The following DPYD variants were observed in gnomAD, a reference collection of about 807,000 sequenced individuals.
DPYD encodes the protein dihydropyrimidine dehydrogenase [NADP(+)].
Under a neutral mutation model 116.2 loss-of-function variants are expected in DPYD, and 109 were observed. The observed-to-expected ratio is 0.94, with a 90% CI of 0.80 to 1.10. The LOEUF is 1.10. DPYD is among the 50% of genes least tolerant of loss of function. The pLI is 0.00. For missense variants in DPYD, 1,302 were observed against 1,254.5 expected (o/e 1.04, Z -0.57); for synonymous variants, 440 against 432.0 (o/e 1.02, Z -0.23).
chr1:97,555,661 C>A (rs564179260), intron 11 of DPYD, among the ~76,000 whole-genome samples: 2 of 152,150 alleles, frequency 1.3e-5, no homozygotes, highest in Non-Finnish European at 2.9e-5. Flanking sequence ...AAAGCCATCA[C>A]ATGGGAACTC....
intron 13 of DPYD, among the ~76,000 whole-genome samples, chr1:97,500,496 T>C (rs1361456331): frequency 1.3e-5 from 2 of 152,050 alleles, no homozygotes; most frequent in African/African-American, 4.8e-5. Context: ...TTTTGTTATC[T>C]TATATTTTCA....
At chr1:97,384,471 C>T (rs572093152) in intron 14 of DPYD, among the ~76,000 whole-genome samples, 7 of 151,762 alleles carry the variant, frequency 4.6e-5, no homozygotes, top group South Asian at 2.1e-4. Context: ...GTATTTGGCA[C>T]GTATCAAAGA....
chr1:97,466,117 T>A (rs1677308503), intron 13 of DPYD, among the ~76,000 whole-genome samples: 1 of 152,180 alleles, frequency 6.6e-6, no homozygotes, highest in Non-Finnish European at 1.5e-5. Flanking sequence ...AATACATAAA[T>A]TGATTGAGAC....
intron 8 of DPYD, among the ~76,000 whole-genome samples, chr1:97,640,642 G>A (rs1657835807): frequency 6.6e-6 from 1 of 152,074 alleles, no homozygotes; most frequent in African/African-American, 2.4e-5. Context: ...ATTAGAGTCT[G>A]TAATTGTAAG....
chr1:97,532,605 T>C (rs1649709457), intron 12 of DPYD, among the ~76,000 whole-genome samples: 1 of 152,128 alleles, frequency 6.6e-6, no homozygotes, highest in Admixed American at 6.5e-5. Flanking sequence ...ATTCTGTCTT[T>C]ATAGGTTGTA....
intron 16 of DPYD, among the ~76,000 whole-genome samples, chr1:97,320,157 C>T (rs1668152444): frequency 1.6e-5 from 2 of 123,748 alleles, no homozygotes; most frequent in Non-Finnish European, 3.4e-5. Flanking sequence ...GAAGCATTCC[C>T]TTTGAAAACT....
rs72979760 is a variant in DPYD, at chr1:97,864,972, G to C, written c.150+18292C>G. Among the ~76,000 whole-genome samples the C allele has an allele frequency of 9.3e-3, 1,416 of 151,874 alleles. 29 individuals carry two copies. The highest frequency in any genetic ancestry group is 0.032 in the African/African-American group (1,317 of 41,472). ...GTTATATCTGTGAATGCTTCTAGTT[G>C]TAATAACATACTTTCACTTTTTTTT... is the stretch of plus-strand genomic sequence containing the variant. On this transcript the variant is annotated intron_variant, in intron 2 of 22. Coordinates refer to ENST00000370192, the MANE Select transcript of DPYD (RefSeq NM_000110.4).
At chr1:97,259,500 G>A (rs78581965) in intron 18 of DPYD, among the ~76,000 whole-genome samples, 3,550 of 152,096 alleles carry the variant, frequency 0.023, 58 homozygotes, top group Non-Finnish European at 0.035. Flanking sequence ...AGCCTCCTAA[G>A]TAGCTGGTAC....
chr1:97,088,490 T>C (rs1316941974), intron 21 of DPYD, among the ~76,000 whole-genome samples: 2 of 152,198 alleles, frequency 1.3e-5, no homozygotes, highest in African/African-American at 4.8e-5. Context: ...GGGATTTCCA[T>C]CTGAAGTTTG....
At chr1:97,844,324 C>G (rs1670185582) in intron 2 of DPYD, among the ~76,000 whole-genome samples, 1 of 152,164 alleles carries the variant, frequency 6.6e-6, no homozygotes, top group African/African-American at 2.4e-5. Flanking sequence ...GATGAGATGA[C>G]TGATGCCTGG....
chr1:97,505,710 G>C (rs1250617876), intron 13 of DPYD, among the ~76,000 whole-genome samples: 1 of 151,612 alleles, frequency 6.6e-6, no homozygotes, highest in Non-Finnish European at 1.5e-5. Flanking sequence ...ATATATAAAA[G>C]GACATTATAA....
intron 21 of DPYD, among the ~76,000 whole-genome samples, chr1:97,094,236 G>A (rs973212991): frequency 6.6e-6 from 1 of 152,040 alleles, no homozygotes; most frequent in African/African-American, 2.4e-5. Flanking sequence ...ATGCTAAGGA[G>A]CTTACCTTAG....
At chr1:97,661,967 A>C (rs1659285130) in intron 8 of DPYD, among the ~76,000 whole-genome samples, 1 of 151,084 alleles carries the variant, frequency 6.6e-6, no homozygotes, top group African/African-American at 2.4e-5. Context: ...ACACATAGGA[A>C]ATATTTAGTA....
chr1:97,323,555 ATG>A (rs1668509017), intron 16 of DPYD, among the ~76,000 whole-genome samples: 2 of 105,582 alleles, frequency 1.9e-5, no homozygotes, highest in Non-Finnish European at 4.0e-5. Context: ...ATATACATAT[ATG>A]TGTATATATA....
chr1:97,565,867 A>G (rs540656763), intron 11 of DPYD, among the ~76,000 whole-genome samples: 1 of 152,332 alleles, frequency 6.6e-6, no homozygotes, highest in Non-Finnish European at 1.5e-5. Flanking sequence ...AAAAAGTTCT[A>G]TTTAGAAATA....
intron 2 of DPYD, among the ~76,000 whole-genome samples, chr1:97,869,734 A>G (rs1057262510): frequency 1.3e-5 from 2 of 151,648 alleles, no homozygotes; most frequent in Non-Finnish European, 2.9e-5. Flanking sequence ...TCTTCCCACA[A>G]TTTATCACCC....
chr1:97,259,549 A>T (rs1663735226), intron 18 of DPYD, among the ~76,000 whole-genome samples: 1 of 151,974 alleles, frequency 6.6e-6, no homozygotes, highest in African/African-American at 2.4e-5. Flanking sequence ...CAAGGATCAA[A>T]GTATTCAATC....
intron 13 of DPYD, among the ~76,000 whole-genome samples, chr1:97,466,243 T>C (rs1407205917): frequency 1.3e-5 from 2 of 152,186 alleles, no homozygotes; most frequent in Non-Finnish European, 2.9e-5. Flanking sequence ...TAAAAATAAA[T>C]TGATTCCTGC....
At chr1:97,523,594 C>A (rs981867945) in intron 12 of DPYD, among the ~76,000 whole-genome samples, 3 of 152,128 alleles carry the variant, frequency 2.0e-5, no homozygotes, top group Non-Finnish European at 4.4e-5. Context: ...CCTTTCTAAT[C>A]TCATCTCCTA....
Sources: gnomAD v4.1 joint callset for allele counts (sites outside exome capture counted in the v4.1 genomes callset) on GRCh38, gnomAD v4.1.1 for gene constraint, MANE v1.5 for transcripts, NCBI Gene and HGNC (gene_info 2026-07-23, HGNC 2026-07-21) for gene names.